The following AQP9 variants were observed in gnomAD, a reference collection of about 807,000 sequenced individuals.
The protein encoded by AQP9 is aquaporin-9.
In AQP9, 19 loss-of-function variants were observed where a neutral mutation model predicts 23.8. The ratio of observed to expected loss-of-function variants is 0.80; its 90% CI spans 0.56 to 1.17. AQP9 has a LOEUF of 1.17. AQP9 is among the 50% of genes most tolerant of loss of function. The probability of loss-of-function intolerance (pLI) is 0.00; values close to 1 mark genes in which losing one functional copy is unlikely to be tolerated. For synonymous variants in AQP9, 153 were observed against 131.5 expected, an observed-to-expected ratio of 1.16 and a Z score of -1.12; for missense variants, 413 against 362.0, an observed-to-expected ratio of 1.14 and a Z score of -1.14.
At chr15:58,143,046 C>T (rs1332554353) in intron 1 of AQP9, among the ~76,000 whole-genome samples, 4 of 152,216 alleles carry the variant, frequency 2.6e-5, no homozygotes, top group African/African-American at 7.2e-5. Context: ...AGAGAACAGA[C>T]ACCCACAGTC....
chr15:58,183,918 G>T (rs1158941602), intron 5 of AQP9, 43 bp from the exon 6 acceptor site: 1 of 1,603,934 alleles, frequency 6.2e-7, no homozygotes, highest in African/African-American at 1.3e-5. Flanking sequence ...AATACCAGGA[G>T]GAAGGCCAAG....
chr15:58,148,206 C>G (rs530981614), intron 1 of AQP9, among the ~76,000 whole-genome samples: 1 of 152,112 alleles, frequency 6.6e-6, no homozygotes, highest in South Asian at 2.1e-4. Flanking sequence ...AAGATGCAAA[C>G]AAGAATTAAG....
rs370186994 is a variant in AQP9 at position 58,138,634 on chromosome 15, G to C, written c.69G>C (p.Ala23=). 10 of 1,613,864 alleles carry C rather than the reference G, an allele frequency of 6.2e-6. No homozygotes were observed. Among genetic ancestry groups the C allele is most frequent in the Non-Finnish European group, 7.6e-6 (9 of 1,179,804 alleles). Residue 23 remains alanine (A), a synonymous_variant, in exon 1 of 6, where the codon GCG becomes GCC. Coordinates refer to ENST00000219919, the MANE Select transcript of AQP9 (RefSeq NM_020980.5). ...KQRLVLKSSL[A]KETLSEFLGT... ...GACTGGTCTTGAAGAGCAGCTTAGC[G>C]AAAGAAACCCTCTCTGAGTTCTTGG...
chr15:58,183,808 G>A, intron 5 of AQP9, among the ~76,000 whole-genome samples, 153 bp from the exon 6 acceptor site: 1 of 152,300 alleles, frequency 6.6e-6, no homozygotes. Context: ...GATGGCAGTT[G>A]CCATGCTGCA....
chr15:58,176,062 C>A (rs1013031957), intron 4 of AQP9, among the ~76,000 whole-genome samples: 2 of 152,012 alleles, frequency 1.3e-5, no homozygotes, highest in East Asian at 1.9e-4. Context: ...CTTTTTGGGT[C>A]GCAAGTTATT....
At chr15:58,151,982 A>T (rs1898159838) in intron 1 of AQP9, 1 of 152,160 alleles carries the variant, frequency 6.6e-6, no homozygotes, top group Non-Finnish European at 1.5e-5. Context: ...AACGGACTTA[A>T]AATCACTATT....
At chr15:58,170,071 C>T (rs781194228) in intron 2 of AQP9, among the ~76,000 whole-genome samples, 26 of 152,142 alleles carry the variant, frequency 1.7e-4, no homozygotes, top group Non-Finnish European at 3.7e-4. Context: ...GTCCCAGCAA[C>T]CTCGGCAAAG....
intron 1 of AQP9, among the ~76,000 whole-genome samples, chr15:58,154,632 C>T (rs2140599373): frequency 6.6e-6 from 1 of 152,128 alleles, no homozygotes; most frequent in Admixed American, 6.5e-5. Context: ...GTTAATAATC[C>T]TAATAATAAA....
intron 3 of AQP9, among the ~76,000 whole-genome samples, chr15:58,173,672 C>T (rs2140626546): frequency 6.6e-6 from 1 of 152,238 alleles, no homozygotes; most frequent in South Asian, 2.1e-4. Context: ...CCAGGGCTTC[C>T]ACTCTGCAAC....
chr15:58,175,135 T>C, intron 4 of AQP9, 99 bp downstream of exon 4: 1 of 1,146,670 alleles, frequency 8.7e-7, no homozygotes, highest in East Asian at 2.4e-5. Flanking sequence ...AAGGAGAGAT[T>C]ATATTTCCAA....
Position 58,174,828 on chromosome 15 carries a change from AGTGACTG to A in AQP9, c.377-87_377-81del, listed in dbSNP as rs1323690083. On this transcript the variant is annotated intron_variant, in intron 3 of 5. Coordinates refer to ENST00000219919, the MANE Select transcript of AQP9 (RefSeq NM_020980.5). ...ACATGGCTATGCCAAGCTCAATCTG[AGTGACTG>A]GTTGTTTAGCACAAGGCTTGGCACA... The A allele has an allele frequency of 2.8e-6, 3 of 1,057,140 alleles. No homozygotes were observed. In the African/African-American group the frequency reaches 4.7e-5, roughly 17 times the overall value. The allele number at this position is 1,057,140 out of a possible 1,614,324, so 65.5% of individuals were successfully genotyped here. A position where few individuals can be genotyped will look rare whatever the true frequency, so the allele number is the denominator to read the frequency against.
chr15:58,166,972 C>T (rs1237364902), intron 2 of AQP9, among the ~76,000 whole-genome samples, 173 bp downstream of exon 2: 6 of 152,234 alleles, frequency 3.9e-5, no homozygotes, highest in Admixed American at 2.6e-4. Context: ...TGGTAAGTAA[C>T]TTATTATGCA....
Position 58,174,940 on chromosome 15 carries a change from TG to T in AQP9, c.401del (p.Gly134GlufsTer4), listed in dbSNP as rs1406370292. On this transcript the variant is annotated frameshift_variant, in exon 4 of 6. Coordinates refer to ENST00000219919, the MANE Select transcript of AQP9 (RefSeq NM_020980.5). LOFTEE classifies it high-confidence loss of function. ...YYDGLMSFAG[G>X]KLLIVGENAT... The stretch of plus-strand genomic sequence containing the variant: ...TAGATGGACTTATGTCCTTTGCTGG[TG>T]GAAAACTGCTGATCGTGGGAGAAAA... 6.2e-7 allele frequency: 1 copy of T among 1,614,082 alleles called. No homozygotes were observed. The highest frequency in any genetic ancestry group is 8.5e-7 in the Non-Finnish European group (1 of 1,179,996).
At chr15:58,181,903 G>C in intron 5 of AQP9, among the ~76,000 whole-genome samples, 1 of 152,104 alleles carries the variant, frequency 6.6e-6, no homozygotes, top group East Asian at 1.9e-4. Context: ...GGCTTCCAAA[G>C]TGTTCTTAGA....
At chr15:58,180,229 C>T (rs1177911707) in intron 5 of AQP9, among the ~76,000 whole-genome samples, 1 of 152,198 alleles carries the variant, frequency 6.6e-6, no homozygotes, top group Non-Finnish European at 1.5e-5. Flanking sequence ...GGAAACAGGG[C>T]TCTACCATGG....
intron 5 of AQP9, among the ~76,000 whole-genome samples, chr15:58,180,462 A>T (rs1332943550): frequency 6.6e-6 from 1 of 152,206 alleles, no homozygotes; most frequent in Non-Finnish European, 1.5e-5. Context: ...GTACCTTGAC[A>T]GCCTTTTCCC....
At chr15:58,179,009 T>C (rs1239275335) in intron 4 of AQP9, 119 bp from the exon 5 acceptor site, 2 of 702,704 alleles carry the variant, frequency 2.8e-6, no homozygotes, top group East Asian at 5.5e-5. Flanking sequence ...CTAGGCATAT[T>C]GTAATATAAG....
rs1181453227 is a variant in AQP9, at chr15:58,185,742, G to C, written c.*1607G>C. ...GTCAAAAAGCCCAGAATTCCCAAAG[G>C]CATTAGGTTTCCCAACTGCTTTGTG... On this transcript the variant is annotated 3_prime_UTR_variant, in exon 6 of 6. Transcript: ENST00000219919. The C allele has an allele frequency of 1.3e-5, 2 of 152,172 alleles. No individual in the cohort carries two copies. Among genetic ancestry groups the C allele is most frequent in the Non-Finnish European group, 2.9e-5 (2 of 68,042 alleles). 9.4% of individuals were successfully genotyped at this position (152,172 alleles called of 1,614,324 possible).
intron 2 of AQP9, among the ~76,000 whole-genome samples, chr15:58,171,779 C>G (rs547619058): frequency 6.6e-6 from 1 of 152,122 alleles, no homozygotes; most frequent in Non-Finnish European, 1.5e-5. Flanking sequence ...ATAGCTTTCT[C>G]CACAGGGAGT....
Sources: gnomAD v4.1 joint callset for allele counts (sites outside exome capture counted in the v4.1 genomes callset) on GRCh38, gnomAD v4.1.1 for gene constraint, MANE v1.5 for transcripts, NCBI Gene and HGNC (gene_info 2026-07-23, HGNC 2026-07-21) for gene names.